DAB1: variants seen among roughly 807,000 people sequenced by gnomAD.
DAB1 encodes disabled homolog 1.
A neutral mutation model predicts 64.6 loss-of-function variants in DAB1; 15 were observed. The ratio of observed to expected loss-of-function variants is 0.23; its 90% CI spans 0.16 to 0.36. DAB1 has a LOEUF of 0.36. DAB1 is among the 10% of genes least tolerant of loss of function. The probability of loss-of-function intolerance (pLI) is 1.00; values close to 1 mark genes in which losing one functional copy is unlikely to be tolerated. For missense variants in DAB1, 596 were observed against 706.7 expected, an observed-to-expected ratio of 0.84 and a Z score of 1.78; for synonymous variants, 235 against 251.9, an observed-to-expected ratio of 0.93 and a Z score of 0.64.
intron 6 of DAB1, among the ~76,000 whole-genome samples, chr1:57,654,623 T>C (rs1291630689): frequency 2.0e-5 from 3 of 152,228 alleles, no homozygotes; most frequent in Non-Finnish European, 4.4e-5. Context: ...CTTCTAAAAT[T>C]TTAATGTAAT....
chr1:57,299,097 T>C (rs1056220578), intron 1 of DAB1, among the ~76,000 whole-genome samples: 1 of 152,196 alleles, frequency 6.6e-6, no homozygotes. Flanking sequence ...CACTTTTAAA[T>C]AGGGTCCAAA....
intron 4 of DAB1, among the ~76,000 whole-genome samples, chr1:58,244,207 G>C (rs531411991): frequency 3.5e-4 from 53 of 152,256 alleles, no homozygotes; most frequent in African/African-American, 1.2e-3. Flanking sequence ...GTGCCCATAA[G>C]TATAAGGTAG....
At chr1:58,470,044 G>A (rs976404155) in intron 3 of DAB1, among the ~76,000 whole-genome samples, 1 of 151,796 alleles carries the variant, frequency 6.6e-6, no homozygotes, top group Non-Finnish European at 1.5e-5. Flanking sequence ...AGTACACTGA[G>A]GCCATTCTTC....
chr1:57,381,892 C>T (rs932161674), intron 1 of DAB1, among the ~76,000 whole-genome samples: 1 of 152,140 alleles, frequency 6.6e-6, no homozygotes, highest in African/African-American at 2.4e-5. Flanking sequence ...AGCCCCTGGT[C>T]CTGGGGTGAC....
chr1:57,809,149 G>T (rs1044434791), intron 6 of DAB1, among the ~76,000 whole-genome samples: 1 of 152,034 alleles, frequency 6.6e-6, no homozygotes, highest in Admixed American at 6.6e-5. Flanking sequence ...TTTGCATATT[G>T]GCAATTGTAT....
intron 5 of DAB1, among the ~76,000 whole-genome samples, chr1:57,891,468 A>G (rs1644313151): frequency 6.6e-6 from 1 of 152,178 alleles, no homozygotes; most frequent in African/African-American, 2.4e-5. Flanking sequence ...CAAAGATCTA[A>G]AACTAGAATT....
At chr1:57,858,838 C>G (rs1413771813) in intron 1 of DAB1, among the ~76,000 whole-genome samples, 1 of 150,802 alleles carries the variant, frequency 6.6e-6, no homozygotes, top group Non-Finnish European at 1.5e-5. Context: ...GTTGGGGAAA[C>G]AGTTCAGTCC....
intron 7 of DAB1, among the ~76,000 whole-genome samples, chr1:57,606,758 A>G (rs985493690): frequency 2.4e-4 from 28 of 117,698 alleles, no homozygotes; most frequent in Admixed American, 3.4e-4. Flanking sequence ...AATATATTCT[A>G]TATATTATAT....
intron 2 of DAB1, among the ~76,000 whole-genome samples, chr1:57,193,381 GTTTTTT>G (rs999329119): frequency 4.8e-5 from 4 of 83,060 alleles, no homozygotes; most frequent in Non-Finnish European, 8.6e-5. Flanking sequence ...CGTAGCATAT[GTTTTTT>G]TTTTTTTTTT....
At chr1:57,056,333 TAAAAAAAAAAAAA>T (rs903018252) in intron 9 of DAB1, among the ~76,000 whole-genome samples, 2 of 117,308 alleles carry the variant, frequency 1.7e-5, no homozygotes, top group East Asian at 4.7e-4. Context: ...TCCTCATCTT[TAAAAAAAAAAAAA>T]AAAAAAAAAA....
intron 6 of DAB1, among the ~76,000 whole-genome samples, chr1:57,776,931 T>C (rs1418415425): frequency 6.6e-6 from 1 of 151,856 alleles, no homozygotes; most frequent in Non-Finnish European, 1.5e-5. Context: ...ATGCAAGTCC[T>C]CAGCAGATAC....
intron 2 of DAB1, among the ~76,000 whole-genome samples, chr1:57,203,739 T>C (rs1447049993): frequency 1.3e-5 from 2 of 152,112 alleles, no homozygotes; most frequent in Non-Finnish European, 2.9e-5. Context: ...AAGCCCATAC[T>C]CATGTGTTTT....
intron 2 of DAB1, among the ~76,000 whole-genome samples, chr1:57,258,516 G>C (rs996726693): frequency 3.3e-5 from 5 of 152,210 alleles, no homozygotes; most frequent in Non-Finnish European, 5.9e-5. Context: ...GAGCTGTGCT[G>C]TTTGTCCTTC....
intron 6 of DAB1, among the ~76,000 whole-genome samples, chr1:57,677,440 T>C (rs143523998): frequency 1.3e-5 from 2 of 152,206 alleles, no homozygotes; most frequent in African/African-American, 4.8e-5. Context: ...AGACACACGG[T>C]GGTTGAGATC....
At chr1:57,848,668 C>T (rs533363704) in intron 1 of DAB1, among the ~76,000 whole-genome samples, 172 of 152,274 alleles carry the variant, frequency 1.1e-3, no homozygotes, top group African/African-American at 3.7e-3. Flanking sequence ...CAGAAGTGAT[C>T]AGGAATGTCC....
rs151007161 is a variant in DAB1, at chr1:57,317,188, A to T, written c.-136-26022T>A. On this transcript the variant is annotated intron_variant, in intron 1 of 14. Coordinates refer to ENST00000371236, the MANE Select transcript of DAB1 (RefSeq NM_001365792.1). ...TAAGAAGAACTGAGACCCCCAGTCC[A>T]ACAGCATGTGAGGAACTGAGGTCCA... 9.5e-3 allele frequency among the ~76,000 whole-genome samples: 1,440 copies of T among 152,228 alleles called. 17 individuals are homozygous for T. The highest frequency in any genetic ancestry group is 0.015 in the Non-Finnish European group (991 of 68,004).
intron 3 of DAB1, among the ~76,000 whole-genome samples, chr1:57,144,977 T>G (rs476568): frequency 0.19 from 28,526 of 152,032 alleles, 3,327 homozygotes; most frequent in African/African-American, 0.32. Context: ...AAAATGTGGG[T>G]GACAAAACAA....
chr1:57,585,248 G>GAAAAAAAA (rs61528761), intron 7 of DAB1, among the ~76,000 whole-genome samples: 3 of 44,266 alleles, frequency 6.8e-5, no homozygotes, highest in African/African-American at 2.9e-4. Context: ...GACTCTTTCT[G>GAAAAAAAA]AAAAAAAAAA....
chr1:58,274,322 G>T (rs1412040588), intron 4 of DAB1, among the ~76,000 whole-genome samples: 1 of 125,472 alleles, frequency 8.0e-6, no homozygotes, highest in African/African-American at 3.0e-5. Flanking sequence ...CTGCTCGGGG[G>T]TCAGGGGTCA....
Sources: gnomAD v4.1 joint callset for allele counts (sites outside exome capture counted in the v4.1 genomes callset) on GRCh38, gnomAD v4.1.1 for gene constraint, MANE v1.5 for transcripts, NCBI Gene and HGNC (gene_info 2026-07-23, HGNC 2026-07-21) for gene names.